Variants in AHCY observed in about 807,000 individuals in gnomAD.
AHCY encodes S-adenosyl-L-homocysteine hydrolase.
AHCY carries 24 observed loss-of-function variants against 45.4 expected under a neutral mutation model. The ratio of observed to expected loss-of-function variants is 0.53; its 90% CI spans 0.38 to 0.74. AHCY has a LOEUF of 0.74. AHCY is among the 30% of genes least tolerant of loss of function. The pLI is 0.00. For synonymous variants in AHCY, 245 were observed against 235.1 expected, an observed-to-expected ratio of 1.04 and a Z score of -0.39; for missense variants, 449 against 594.1, an observed-to-expected ratio of 0.76 and a Z score of 2.54.
chr20:34,257,070 C>CTTTTTTTTTTTTTTTTTT, the AHCY span, among the ~76,000 whole-genome samples: 20 of 139,406 alleles, frequency 1.4e-4, no homozygotes, highest in African/African-American at 2.6e-4. Context: ...CTTTCTTTCT[C>CTTTTTTTTTTTTTTTTTT]TTTTTTTTTT....
intron 1 of AHCY, among the ~76,000 whole-genome samples, chr20:34,296,406 G>A (rs1279885839): frequency 6.6e-6 from 1 of 152,118 alleles, no homozygotes; most frequent in African/African-American, 2.4e-5. Context: ...TGGCTTTGAG[G>A]TTATTAGTAA....
At chr20:34,244,695 ATGTCAAAGAAGTGGC>A in the AHCY span, among the ~76,000 whole-genome samples, 2 of 152,192 alleles carry the variant, frequency 1.3e-5, no homozygotes, top group Non-Finnish European at 2.9e-5. Context: ...ATGTCTTCTA[ATGTCAAAGAAGTGGC>A]TTACTGTTTC....
At chr20:34,258,695 A>ATATATAT in the AHCY span, among the ~76,000 whole-genome samples, 6 of 15,542 alleles carry the variant, frequency 3.9e-4, no homozygotes, top group Admixed American at 2.9e-3. Flanking sequence ...ATATATACAT[A>ATATATAT]CTATATATAT....
chr20:34,262,117 G>GA, the AHCY span, among the ~76,000 whole-genome samples: 186 of 141,210 alleles, frequency 1.3e-3, 1 homozygote, highest in South Asian at 4.5e-3. Flanking sequence ...TGTCTCAAAA[G>GA]AAAAAAAAAA....
chr20:34,266,546 G>A, the AHCY span, among the ~76,000 whole-genome samples: 15 of 151,890 alleles, frequency 9.9e-5, no homozygotes, highest in Middle Eastern at 3.4e-3. Flanking sequence ...GGTGGTGCAC[G>A]CCTGTAATCC....
At chr20:34,253,504 G>C in the AHCY span, among the ~76,000 whole-genome samples, 2 of 150,116 alleles carry the variant, frequency 1.3e-5, no homozygotes, top group Admixed American at 1.3e-4. Flanking sequence ...ACAGAGTCTT[G>C]CTCCGTTGCC....
the AHCY span, among the ~76,000 whole-genome samples, chr20:34,258,690 T>C: frequency 1.2e-4 from 9 of 72,298 alleles, no homozygotes; most frequent in Admixed American, 4.1e-4. Flanking sequence ...TATATATATA[T>C]ACATACTATA....
At chr20:34,307,996 C>G (rs2036913235), upstream of AHCY, among the ~76,000 whole-genome samples, 1 of 151,962 alleles carries the variant, frequency 6.6e-6, no homozygotes, top group African/African-American at 2.4e-5. Flanking sequence ...TTCCCTCTCT[C>G]TGTTGATGTG....
At chr20:34,287,851 G>A (rs553345668) in intron 8 of AHCY, among the ~76,000 whole-genome samples, 1 of 152,220 alleles carries the variant, frequency 6.6e-6, no homozygotes, top group Non-Finnish European at 1.5e-5. Context: ...AGGCCCTTGA[G>A]AGGACGGACA....
chr20:34,303,613 C>T (rs755308353), upstream of AHCY, among the ~76,000 whole-genome samples: 5 of 152,224 alleles, frequency 3.3e-5, no homozygotes, highest in Non-Finnish European at 7.3e-5. Flanking sequence ...CCCAGCGGAA[C>T]TGAAATTCCG....
chr20:34,260,101 G>C, the AHCY span, among the ~76,000 whole-genome samples: 2 of 151,420 alleles, frequency 1.3e-5, no homozygotes, highest in African/African-American at 4.9e-5. Flanking sequence ...GGACAGCAGA[G>C]ACCAGTGCAA....
intron 5 of AHCY, 67 bp downstream of exon 5, chr20:34,291,352 C>A (rs2122763292): frequency 4.8e-6 from 7 of 1,447,146 alleles, no homozygotes; most frequent in African/African-American, 2.8e-5. Flanking sequence ...CCTGGGCACT[C>A]TTCTTCAGAG....
chr20:34,244,792 A>G, the AHCY span, among the ~76,000 whole-genome samples: 3 of 152,168 alleles, frequency 2.0e-5, no homozygotes, highest in Admixed American at 6.5e-5. Context: ...AGCTCGAACA[A>G]CTCCTACCAA....
rs535554157 is a variant in AHCY at position 34,280,691 on chromosome 20, G to A, written c.*343C>T. ...ACAGGTATAAGTCCACAGACCAGGT[G>A]AAGGCCTAGATGGCAAAACACATGG... On this transcript the variant is annotated 3_prime_UTR_variant, in exon 10 of 10. Transcript: ENST00000217426. 3 of 378,980 alleles carry A rather than the reference G, an allele frequency of 7.9e-6. No individual in the cohort carries two copies. In the East Asian group the frequency reaches 1.9e-4, roughly 24 times the overall value. 23.5% of individuals were successfully genotyped at this position (378,980 alleles called of 1,614,324 possible).
chr20:34,275,384 G>A (rs1482844180), downstream of AHCY, among the ~76,000 whole-genome samples: 7 of 151,962 alleles, frequency 4.6e-5, no homozygotes, highest in Admixed American at 2.0e-4. Context: ...TGCCTGCCTC[G>A]GCCTCCCAAA....
the AHCY span, among the ~76,000 whole-genome samples, chr20:34,270,069 C>T: frequency 6.6e-6 from 1 of 150,842 alleles, no homozygotes; most frequent in African/African-American, 2.4e-5. Context: ...AGACTCCCCG[C>T]CACCCCACCG....
chr20:34,274,946 T>C, the AHCY span, among the ~76,000 whole-genome samples: 153 of 152,208 alleles, frequency 1.0e-3, no homozygotes, highest in African/African-American at 3.5e-3. Context: ...AATGAGACTT[T>C]GTCTCTTTAA....
chr20:34,278,236 T>C (rs1321780924), downstream of AHCY, among the ~76,000 whole-genome samples: 1 of 152,084 alleles, frequency 6.6e-6, no homozygotes. Flanking sequence ...AACAAAAGGT[T>C]CTGGGAACTG....
intron 1 of AHCY, among the ~76,000 whole-genome samples, chr20:34,310,285 G>C (rs745565162): frequency 6.6e-6 from 1 of 152,036 alleles, no homozygotes; most frequent in Non-Finnish European, 1.5e-5. Flanking sequence ...GGTCTTGAAC[G>C]CCTGACCTCG....
Sources: allele counts gnomAD v4.1 joint callset (sites outside exome capture counted in the v4.1 genomes callset), GRCh38; gene constraint gnomAD v4.1.1; transcripts MANE v1.5; gene names NCBI Gene and HGNC (gene_info 2026-07-23, HGNC 2026-07-21).